Variants in SCFD2 observed in about 807,000 individuals in gnomAD.
SCFD2 encodes sec1 family domain-containing protein 2.
Under a neutral mutation model 58.9 loss-of-function variants are expected in SCFD2, and 54 were observed. The observed-to-expected ratio is 0.92, with a 90% CI of 0.74 to 1.15. The LOEUF is 1.15. Ranked by LOEUF, SCFD2 falls within the 50% of genes most tolerant of loss-of-function variation. SCFD2 has a pLI of 0.00. For missense variants in SCFD2, 805 were observed against 836.6 expected (o/e 0.96, Z 0.47); for synonymous variants, 321 against 335.9 (o/e 0.96, Z 0.49).
intron 4 of SCFD2, among the ~76,000 whole-genome samples, chr4:53,266,680 C>T (rs1231632613): frequency 6.6e-6 from 1 of 152,182 alleles, no homozygotes; most frequent in Non-Finnish European, 1.5e-5. Flanking sequence ...TATCCACGAT[C>T]CGTTTAAACA....
intron 4 of SCFD2, among the ~76,000 whole-genome samples, chr4:53,198,465 C>A: frequency 6.6e-6 from 1 of 151,674 alleles, no homozygotes. Flanking sequence ...AAAAGAGATC[C>A]TAAGAATACT....
At chr4:53,102,634 A>AT (rs1311811788) in intron 5 of SCFD2, among the ~76,000 whole-genome samples, 2 of 152,108 alleles carry the variant, frequency 1.3e-5, no homozygotes, top group African/African-American at 4.8e-5. Flanking sequence ...AATATGTTCA[A>AT]TTTTACATAA....
Position 53,309,062 on chromosome 4 carries a change from G to A in SCFD2, c.1135+4574C>T, listed in dbSNP as rs536115346. ...GCAGGAGAATCGCTTGAACCCAGGCGGCGGAGGTTGCAGTGAGCCGAGATC... is the reference window on the plus strand; with the variant it reads ...GCAGGAGAATCGCTTGAACCCAGGCAGCGGAGGTTGCAGTGAGCCGAGATC... On this transcript the variant is annotated intron_variant, in intron 3 of 8. Transcript: ENST00000401642. 1.8e-4 allele frequency among the ~76,000 whole-genome samples: 28 copies of A among 152,152 alleles called. No individual in the cohort carries two copies. In the South Asian group the frequency reaches 5.6e-3, roughly 30 times the overall value.
chr4:52,978,467 G>A (rs1721301745), intron 5 of SCFD2, among the ~76,000 whole-genome samples: 2 of 152,128 alleles, frequency 1.3e-5, no homozygotes, highest in Admixed American at 1.3e-4. Context: ...TTTCAGGGTT[G>A]TTGTGACTAT....
intron 4 of SCFD2, among the ~76,000 whole-genome samples, chr4:53,270,125 G>GTGCA (rs1227217130): frequency 6.6e-6 from 1 of 152,152 alleles, no homozygotes; most frequent in Non-Finnish European, 1.5e-5. Flanking sequence ...ATGTGTGTGT[G>GTGCA]TGCATATGTT....
rs1722352485 is a variant in SCFD2, at chr4:53,021,620, A to G, written c.1562-100750T>C. Among the ~76,000 whole-genome samples, 3 of 152,190 alleles carry G rather than the reference A, an allele frequency of 2.0e-5. 1 individual carries two copies. Among genetic ancestry groups the G allele is most frequent in the South Asian group, 4.1e-4 (2 of 4,822 alleles). ...TTAAGTTCTCCAGGGGCGCAGCGGC[A>G]AGTCAAGGGTGAGGGTGTTGGGAAA... On this transcript the variant is annotated intron_variant, in intron 5 of 8. Transcript: ENST00000401642.
At chr4:52,946,726 A>C (rs1181889103) in intron 5 of SCFD2, among the ~76,000 whole-genome samples, 1 of 152,162 alleles carries the variant, frequency 6.6e-6, no homozygotes, top group East Asian at 1.9e-4. Flanking sequence ...ATCTTTTAAA[A>C]ATCCTCATTT....
intron 5 of SCFD2, among the ~76,000 whole-genome samples, chr4:53,098,493 T>C (rs1724730640): frequency 6.6e-6 from 1 of 152,204 alleles, no homozygotes; most frequent in African/African-American, 2.4e-5. Context: ...ATTTTGTAGT[T>C]TATTTGCGCA....
Position 53,012,235 on chromosome 4 carries a change from G to A in SCFD2, c.1562-91365C>T, listed in dbSNP as rs144503658. On this transcript the variant is annotated intron_variant, in intron 5 of 8. Coordinates refer to ENST00000401642, the MANE Select transcript of SCFD2 (RefSeq NM_152540.4). ...ACCCCTTGACAAGAGATTCCAAACC[G>A]TGAAATCGAACAACTGCATATTTAG... Among the ~76,000 whole-genome samples, 59 of 152,188 alleles carry A rather than the reference G, an allele frequency of 3.9e-4. 1 individual carries two copies. Among genetic ancestry groups the A allele is most frequent in the Non-Finnish European group, 6.8e-4 (46 of 68,028 alleles).
intron 3 of SCFD2, among the ~76,000 whole-genome samples, chr4:53,307,941 C>G (rs1732567094): frequency 6.6e-6 from 1 of 152,188 alleles, no homozygotes. Context: ...TACCCTCTAG[C>G]CTTGAGGTTT....
intron 7 of SCFD2, among the ~76,000 whole-genome samples, chr4:52,896,885 T>C (rs1385412364): frequency 6.6e-6 from 1 of 152,224 alleles, no homozygotes; most frequent in Non-Finnish European, 1.5e-5. Flanking sequence ...ACGTCCCTTG[T>C]AAGTTGGATT....
chr4:52,889,199 A>T (rs1318434849), intron 7 of SCFD2, among the ~76,000 whole-genome samples: 1 of 152,180 alleles, frequency 6.6e-6, no homozygotes, highest in Non-Finnish European at 1.5e-5. Flanking sequence ...GCCATACCCC[A>T]TCCATTCTCC....
At chr4:53,238,901 C>T (rs1729787351) in intron 4 of SCFD2, among the ~76,000 whole-genome samples, 1 of 148,522 alleles carries the variant, frequency 6.7e-6, no homozygotes, top group Non-Finnish European at 1.5e-5. Context: ...AGAGGGGCTC[C>T]TCACATCCCA....
At chr4:52,900,200 C>T (rs574882697) in intron 7 of SCFD2, among the ~76,000 whole-genome samples, 25 of 152,304 alleles carry the variant, frequency 1.6e-4, no homozygotes, top group South Asian at 6.2e-4. Context: ...TGAGGAGCTG[C>T]GTTCCTTTGG....
chr4:53,072,399 C>G (rs917977967), intron 5 of SCFD2, among the ~76,000 whole-genome samples: 1 of 152,038 alleles, frequency 6.6e-6, no homozygotes, highest in African/African-American at 2.4e-5. Context: ...GATAAGCAAC[C>G]TGGAAGCTTG....
At chr4:53,250,362 A>C (rs1226671173) in intron 4 of SCFD2, among the ~76,000 whole-genome samples, 1 of 152,196 alleles carries the variant, frequency 6.6e-6, no homozygotes, top group African/African-American at 2.4e-5. Context: ...GGAGACTTTA[A>C]CACCCCACTG....
intron 5 of SCFD2, among the ~76,000 whole-genome samples, chr4:52,991,186 G>A (rs996416621): frequency 2.6e-5 from 4 of 152,176 alleles, no homozygotes; most frequent in Non-Finnish European, 5.9e-5. Flanking sequence ...TGTTCAGTAT[G>A]CTTGGGGAGA....
intron 5 of SCFD2, among the ~76,000 whole-genome samples, chr4:53,098,548 G>T (rs1724732667): frequency 6.6e-6 from 1 of 152,126 alleles, no homozygotes; most frequent in African/African-American, 2.4e-5. Context: ...ATTTCTGTGG[G>T]ATTGGTGGTG....
Position 53,216,082 on chromosome 4 carries a change from A to T in SCFD2, c.1311+57744T>A, listed in dbSNP as rs150217678. ...ATTGAGGATTTTTGCATCAATGTTC[A>T]TCAGGGATATTGATCTAAAATTCTC... is the stretch of plus-strand genomic sequence containing the variant. On this transcript the variant is annotated intron_variant, in intron 4 of 8. Coordinates refer to ENST00000401642, the MANE Select transcript of SCFD2 (RefSeq NM_152540.4). Among the ~76,000 whole-genome samples the T allele has an allele frequency of 2.4e-3, 365 of 152,294 alleles. 1 individual carries two copies. Among genetic ancestry groups the T allele is most frequent in the African/African-American group, 8.1e-3 (336 of 41,572 alleles).
Sources: gnomAD v4.1 joint callset for allele counts (sites outside exome capture counted in the v4.1 genomes callset) on GRCh38, gnomAD v4.1.1 for gene constraint, MANE v1.5 for transcripts, NCBI Gene and HGNC (gene_info 2026-07-23, HGNC 2026-07-21) for gene names.